Variants in R3HDM1 observed in about 807,000 individuals in gnomAD.
R3HDM1 encodes R3H domain-containing protein 1.
A neutral mutation model predicts 141.1 loss-of-function variants in R3HDM1; 46 were observed. The ratio of observed to expected loss-of-function variants is 0.33; its 90% CI spans 0.26 to 0.42. The LOEUF is 0.42. R3HDM1 is among the 10% of genes least tolerant of loss of function. R3HDM1 has a pLI of 1.00. For synonymous variants in R3HDM1, 435 were observed against 472.9 expected, an observed-to-expected ratio of 0.92 and a Z score of 1.04; for missense variants, 1,184 against 1,368.3, an observed-to-expected ratio of 0.87 and a Z score of 2.12.
chr2:135,710,101 A>C lies in R3HDM1; in HGVS notation c.2606A>C (p.Gln869Pro), dbSNP rs757256915. Residue 869 changes from glutamine to proline, a missense_variant, in exon 23 of 27, where the codon CAG (glutamine) becomes CCG (proline). By Grantham distance (76) the Gln-to-Pro change is moderately conservative. Coordinates refer to ENST00000683871, the MANE Select transcript of R3HDM1 (RefSeq NM_001378107.1). ...CCTGGTGGGGGGATGGTGATGATGC[A>C]GCTCAGTGTACCAAACAATCCACAA... Reference protein sequence around the residue: ...PPPGGGMVMMQLSVPNNPQSC... With the variant: ...PPPGGGMVMMPLSVPNNPQSC... The C allele has an allele frequency of 6.2e-7, 1 of 1,614,166 alleles. No homozygotes were observed. Among genetic ancestry groups the C allele is most frequent in the East Asian group, 2.2e-5 (1 of 44,894 alleles).
chr2:135,607,934 G>A, intron 3 of R3HDM1: 1 of 983,932 alleles, frequency 1.0e-6, no homozygotes, highest in African/African-American at 1.7e-5. Flanking sequence ...GTAACGATTT[G>A]GAAGGAGGGA....
chr2:135,579,796 G>A (rs1003078613), intron 1 of R3HDM1, among the ~76,000 whole-genome samples: 1 of 152,166 alleles, frequency 6.6e-6, no homozygotes, highest in Non-Finnish European at 1.5e-5. Flanking sequence ...AATAAGGTCT[G>A]TAGATTAGTT....
At chr2:135,583,279 A>G (rs942325788) in intron 1 of R3HDM1, among the ~76,000 whole-genome samples, 1 of 152,132 alleles carries the variant, frequency 6.6e-6, no homozygotes, top group Non-Finnish European at 1.5e-5. Context: ...TCTCTTGTAG[A>G]GTAGTCCACA....
intron 9 of R3HDM1, among the ~76,000 whole-genome samples, chr2:135,633,200 A>C (rs2062891422): frequency 6.6e-6 from 1 of 152,134 alleles, no homozygotes; most frequent in African/African-American, 2.4e-5. Context: ...CGTCTTTAAT[A>C]TTCTTTTCAG....
intron 21 of R3HDM1, among the ~76,000 whole-genome samples, chr2:135,698,034 CAG>C (rs1461883209): frequency 2.5e-5 from 3 of 120,530 alleles, no homozygotes; most frequent in Non-Finnish European, 4.9e-5. Context: ...GCCTGTGTGA[CAG>C]AGCAAAACTC....
intron 21 of R3HDM1, among the ~76,000 whole-genome samples, chr2:135,702,536 C>T (rs1402122118): frequency 1.3e-5 from 2 of 151,656 alleles, no homozygotes; most frequent in South Asian, 2.1e-4. Flanking sequence ...TGGCAGGCAC[C>T]TGTAGTCCCA....
intron 21 of R3HDM1, among the ~76,000 whole-genome samples, chr2:135,692,269 T>C (rs2072526909): frequency 6.6e-6 from 1 of 152,128 alleles, no homozygotes; most frequent in Non-Finnish European, 1.5e-5. Context: ...GTGGAGTCTT[T>C]ATGAATCTTT....
intron 1 of R3HDM1, chr2:135,576,991 AAT>A (rs2105014937): frequency 1.7e-6 from 1 of 597,350 alleles, no homozygotes; most frequent in East Asian, 1.4e-4. Context: ...AATGAATTTA[AAT>A]GGATGAATGT....
rs769730449 is a variant in R3HDM1, at chr2:135,638,601, T to A, written c.904-17T>A. 1.3e-6 allele frequency: 2 copies of A among 1,598,234 alleles called. No individual in the cohort carries two copies. The highest frequency in any genetic ancestry group is 1.7e-6 in the Non-Finnish European group (2 of 1,167,026). Reference sequence around the variant, plus strand: ...TTTGACAAAAGCTCAACTTTTTGTATCTATTCTTTTTTCTAGTCCCTGTGT... The same window carrying A: ...TTTGACAAAAGCTCAACTTTTTGTAACTATTCTTTTTTCTAGTCCCTGTGT... On this transcript the variant is annotated splice_polypyrimidine_tract_variant and intron_variant, in intron 11 of 26. Coordinates refer to ENST00000683871, the MANE Select transcript of R3HDM1 (RefSeq NM_001378107.1).
chr2:135,704,928 C>T (rs561665693), intron 21 of R3HDM1, among the ~76,000 whole-genome samples: 3 of 152,114 alleles, frequency 2.0e-5, no homozygotes, highest in Non-Finnish European at 4.4e-5. Context: ...ACATTTAGGT[C>T]GTATCTTTTT....
intron 1 of R3HDM1, among the ~76,000 whole-genome samples, chr2:135,538,922 TTTGTTGTTG>T (rs142600652): frequency 1.3e-5 from 2 of 151,628 alleles, no homozygotes; most frequent in Non-Finnish European, 2.9e-5. Context: ...CTTAAAAGTT[TTTGTTGTTG>T]TTGTTGTTGT....
At chr2:135,531,988 T>C (rs890576906) in intron 1 of R3HDM1, among the ~76,000 whole-genome samples, 10 of 152,158 alleles carry the variant, frequency 6.6e-5, no homozygotes, top group African/African-American at 2.2e-4. Flanking sequence ...GGGAAAGGTT[T>C]CCGAGTCCCT....
intron 18 of R3HDM1, chr2:135,656,401 T>C (rs1379264369): frequency 6.6e-6 from 1 of 152,142 alleles, no homozygotes; most frequent in Non-Finnish European, 1.5e-5. Context: ...GTATGCCACA[T>C]TGCTATTTTT....
intron 18 of R3HDM1, among the ~76,000 whole-genome samples, chr2:135,657,126 G>A (rs1390179228): frequency 6.6e-6 from 1 of 151,614 alleles, no homozygotes; most frequent in Non-Finnish European, 1.5e-5. Context: ...ATATTGGCTA[G>A]GCACAGTGGC....
intron 18 of R3HDM1, among the ~76,000 whole-genome samples, chr2:135,655,819 T>C (rs1328691970): frequency 3.3e-5 from 5 of 152,158 alleles, no homozygotes; most frequent in Non-Finnish European, 1.5e-5. Context: ...CAAAATTGTT[T>C]TTAGTATTTA....
chr2:135,648,619 A>G (rs2064751054), intron 16 of R3HDM1, among the ~76,000 whole-genome samples: 1 of 152,158 alleles, frequency 6.6e-6, no homozygotes, highest in Admixed American at 6.5e-5. Flanking sequence ...ACCTTAGTCT[A>G]ACTGCCTTCT....
chr2:135,714,845 T>C (rs2076010777), intron 23 of R3HDM1, among the ~76,000 whole-genome samples: 2 of 152,170 alleles, frequency 1.3e-5, no homozygotes, highest in Admixed American at 6.5e-5. Flanking sequence ...GGAATTCTTT[T>C]ACAATCTTAG....
rs781319115 is a variant in R3HDM1 at position 135,638,968 on chromosome 2, G to A, written c.1065G>A (p.Ser355=). ...GCACTGAGAATGAGTTGAAGTACTC[G>A]GAACCACGACCCTGGAGCAGCACAG... is the stretch of plus-strand genomic sequence containing the variant. ...QSSTENELKY[S]EPRPWSSTDS... is the part of the protein sequence containing the mutation. Residue 355 remains serine (S), a synonymous_variant, in exon 14 of 27, where the codon TCG becomes TCA. Coordinates refer to ENST00000683871, the MANE Select transcript of R3HDM1 (RefSeq NM_001378107.1). The A allele has an allele frequency of 9.3e-6, 15 of 1,613,952 alleles. No individual in the cohort carries two copies. The highest frequency in any genetic ancestry group is 4.5e-5 in the East Asian group (2 of 44,902).
intron 1 of R3HDM1, chr2:135,566,971 A>AT (rs1702926589): frequency 6.6e-6 from 1 of 150,556 alleles, no homozygotes; most frequent in Non-Finnish European, 1.5e-5. Flanking sequence ...ACTCCGTCTC[A>AT]GAAAAAAAAA....
Sources: allele counts gnomAD v4.1 joint callset (sites outside exome capture counted in the v4.1 genomes callset), GRCh38; gene constraint gnomAD v4.1.1; transcripts MANE v1.5; gene names NCBI Gene and HGNC (gene_info 2026-07-23, HGNC 2026-07-21).